The following PNKP variants were observed in gnomAD, a reference collection of about 807,000 sequenced individuals.
The protein encoded by PNKP is polynucleotide kinase 3'-phosphatase, also known as bifunctional polynucleotide phosphatase/kinase.
Under a neutral mutation model 66.2 loss-of-function variants are expected in PNKP, and 82 were observed. The observed-to-expected ratio is 1.24, with a 90% confidence interval of 1.04 to 1.49. The LOEUF (loss-of-function observed/expected upper bound fraction) is 1.49. Ranked by LOEUF, PNKP falls within the 40% of genes most tolerant of loss-of-function variation. The pLI, the probability that PNKP is intolerant of heterozygous loss-of-function variation, is 0.00. For missense variants in PNKP, 907 were observed against 706.8 expected (o/e 1.28, Z -3.21); for synonymous variants, 412 against 298.9 (o/e 1.38, Z -3.90).
At chr19:49,862,890 C>G (rs2074789161) in intron 8 of PNKP, 152 bp from the exon 9 acceptor site, 2 of 811,706 alleles carry the variant, frequency 2.5e-6, no homozygotes, top group Admixed American at 4.0e-5. Flanking sequence ...TTGCACCGTG[C>G]TCCTGGCCCC....
Position 49,866,390 on chromosome 19 carries a change from C to A in PNKP, c.198+9G>T. On this transcript the variant is annotated intron_variant, in intron 3 of 16. Transcript: ENST00000322344. ...CAGGCCTTGCTGGCCCTTGCAGAGG[C>A]ACTGATACCTGTTTCACTGCCACTG... 1 of 1,613,264 alleles carries A rather than the reference C, an allele frequency of 6.2e-7. No individual in the cohort carries two copies. Among genetic ancestry groups the A allele is most frequent in the Non-Finnish European group, 8.5e-7 (1 of 1,179,182 alleles).
In PNKP at chr19:49,866,456, G is replaced by A. The variant is rs754781999; in HGVS notation, c.152-11C>T. ...CTGCGACCAGCTCCACTGAGGATTGGAGGGGTGGAGTCAGGATTTGCATCC... is the reference window on the plus strand; with the variant it reads ...CTGCGACCAGCTCCACTGAGGATTGAAGGGGTGGAGTCAGGATTTGCATCC... On this transcript the variant is annotated splice_polypyrimidine_tract_variant and intron_variant, in intron 2 of 16. Transcript: ENST00000322344. 3.7e-6 allele frequency: 6 copies of A among 1,613,914 alleles called. No homozygotes were observed. In the African/African-American group the frequency reaches 4.0e-5, roughly 11 times the overall value.
At chr19:49,862,959 T>G in intron 8 of PNKP, 1 of 637,236 alleles carries the variant, frequency 1.6e-6, no homozygotes, top group East Asian at 2.8e-5. Context: ...CGACTTCACC[T>G]CCTCCCGTTC....
intron 6 of PNKP, 47 bp downstream of exon 6, chr19:49,864,132 C>T (rs1330535658): frequency 4.3e-6 from 7 of 1,612,020 alleles, no homozygotes; most frequent in Non-Finnish European, 5.9e-6. Context: ...TGACTGCGGT[C>T]GGACCGCCAC....
rs751483948 is a variant in PNKP at position 49,862,086 on chromosome 19, G to C, written c.1146C>G (p.Leu382=). Residue 382 remains leucine, a synonymous_variant, in exon 13 of 17, where the codon CTC becomes CTG. Coordinates refer to ENST00000322344, the MANE Select transcript of PNKP (RefSeq NM_007254.4). ...GFPGAGKSTF[L]KKHLVSAGYV... is the part of the protein sequence containing the mutation. The stretch of plus-strand genomic sequence containing the variant: ...ATCCGGCCGACACGAGGTGCTTCTT[G>C]AGAAAGGTGGACTTCCCGGCTGTGT... 1 of 1,614,190 alleles carries C rather than the reference G, an allele frequency of 6.2e-7. No individual in the cohort carries two copies. The highest frequency in any genetic ancestry group is 1.7e-5 in the Admixed American group (1 of 60,030).
chr19:49,864,137 C>G (rs368556374), intron 6 of PNKP, 42 bp downstream of exon 6: 1 of 1,612,096 alleles, frequency 6.2e-7, no homozygotes. Flanking sequence ...GCGGTCGGAC[C>G]GCCACGTGCA....
chr19:49,864,240 C>A lies in PNKP; in HGVS notation c.579-4G>T. 1 of 1,614,166 alleles carries A rather than the reference C, an allele frequency of 6.2e-7. No individual in the cohort carries two copies. Among genetic ancestry groups the A allele is most frequent in the Non-Finnish European group, 8.5e-7 (1 of 1,180,006 alleles). The stretch of plus-strand genomic sequence containing the variant: ...GGGAATCTCTGGGTACAAGATCCTA[C>A]GGCAGGTATGAAGCGGCAGGGGTGA... On this transcript the variant is annotated splice_polypyrimidine_tract_variant and splice_region_variant and intron_variant, in intron 5 of 16. Coordinates refer to ENST00000322344, the MANE Select transcript of PNKP (RefSeq NM_007254.4).
In PNKP at chr19:49,861,753, G is replaced by A. The variant is rs541129252; in HGVS notation, c.1298+19C>T. ...GCCCACCCCGCCGCAGGCCACCTAC[G>A]GCCCCGCGGTCACGCTACCTGGCGC... On this transcript the variant is annotated intron_variant, in intron 14 of 16. Transcript: ENST00000322344. The A allele has an allele frequency of 8.8e-5, 137 of 1,558,942 alleles. No homozygotes were observed. Among genetic ancestry groups the A allele is most frequent in the African/African-American group, 1.5e-4 (11 of 72,674 alleles).
intron 2 of PNKP, chr19:49,866,658 CTA>C (rs1307071469): frequency 1.5e-6 from 1 of 659,444 alleles, no homozygotes. Flanking sequence ...GTACTTTTCT[CTA>C]CAGAATTGGT....
rs759158211 is a variant in PNKP, at chr19:49,861,734, C to T, written c.1298+38G>A. On this transcript the variant is annotated intron_variant, in intron 14 of 16. Transcript: ENST00000322344. Reference sequence around the variant, plus strand: ...AGCTGGATGTGCAGGCCCCGCCCACCCCGCCGCAGGCCACCTACGGCCCCG... The same window carrying T: ...AGCTGGATGTGCAGGCCCCGCCCACTCCGCCGCAGGCCACCTACGGCCCCG... 8 of 1,551,640 alleles carry T rather than the reference C, an allele frequency of 5.2e-6. No homozygotes were observed. In the Admixed American group the frequency reaches 7.8e-5, roughly 15 times the overall value.
chr19:49,864,002 C>T lies in PNKP; in HGVS notation c.706G>A (p.Val236Met). 5 of 1,614,122 alleles carry T rather than the reference C, an allele frequency of 3.1e-6. No homozygotes were observed. In the South Asian group the frequency reaches 5.5e-5, roughly 18 times the overall value. ...KLPAEEFKAK[V>M]EAVVEKLGVP... is the part of the protein sequence containing the mutation. Reference sequence around the variant, plus strand: ...CCCAGCTTCTCCACCACAGCCTCCACCTTGGCCTTGAACTCCTCGGCTGGC... The same window carrying T: ...CCCAGCTTCTCCACCACAGCCTCCATCTTGGCCTTGAACTCCTCGGCTGGC... Residue 236 changes from valine (V) to methionine (M), a missense_variant, in exon 7 of 17, where the codon GTG becomes ATG. Coordinates refer to ENST00000322344, the MANE Select transcript of PNKP (RefSeq NM_007254.4).
intron 2 of PNKP, 26 bp from the exon 3 acceptor site, chr19:49,866,471 G>A: frequency 6.2e-7 from 1 of 1,612,744 alleles, no homozygotes; most frequent in Non-Finnish European, 8.5e-7. Context: ...GTGGAGTCAG[G>A]ATTTGCATCC....
chr19:49,864,486 G>T, intron 4 of PNKP, 83 bp from the exon 5 acceptor site: 1 of 1,027,760 alleles, frequency 9.7e-7, no homozygotes, highest in Non-Finnish European at 1.5e-6. Flanking sequence ...CACCAACCCT[G>T]CCAGGCAGGG....
intron 2 of PNKP, 180 bp downstream of exon 2, chr19:49,866,874 C>G: frequency 1.4e-6 from 1 of 696,718 alleles, no homozygotes; most frequent in Non-Finnish European, 2.6e-6. Context: ...CCCTCTCCCC[C>G]AAAGGATCTA....
At position 49,862,556 on chromosome 19, in the gene PNKP, G is replaced by C; in HGVS notation, c.918C>G (p.Phe306Leu). 6.2e-7 allele frequency: 1 copy of C among 1,612,252 alleles called. No homozygotes were observed. The highest frequency in any genetic ancestry group is 8.5e-7 in the Non-Finnish European group (1 of 1,179,158). Reference sequence around the variant, plus strand: ...GCCTCACCAGGCGATCGGCGCAGGAGAAGTCTTTCTTCTTCCGCCCCGGGG... The same window carrying C: ...GCCTCACCAGGCGATCGGCGCAGGACAAGTCTTTCTTCTTCCGCCCCGGGG... ...NWAPGRKKKD[F>L]SCADRLFALN... The change falls in exon 10 of 17, where the codon TTC becomes TTG. Residue 306 changes from phenylalanine (F) to leucine (L), a missense_variant. Phe to Leu is a conservative substitution (Grantham distance 22). Coordinates refer to ENST00000322344, the MANE Select transcript of PNKP (RefSeq NM_007254.4).
chr19:49,862,774 A>C lies in PNKP; in HGVS notation c.817-36T>G, dbSNP rs758832793. 2.7e-5 allele frequency: 44 copies of C among 1,611,812 alleles called. No individual in the cohort carries two copies. The South Asian group carries it at 3.8e-4, about 14-fold the overall frequency. ...CGGTAGTGAGGAGGCCCTTCCCACAAATGTCCCCCCGCAGCGGTAGCGGGT... is the reference window on the plus strand; with the variant it reads ...CGGTAGTGAGGAGGCCCTTCCCACACATGTCCCCCCGCAGCGGTAGCGGGT... On this transcript the variant is annotated intron_variant, in intron 8 of 16. Coordinates refer to ENST00000322344, the MANE Select transcript of PNKP (RefSeq NM_007254.4).
At chr19:49,866,662 A>G (rs936246539) in intron 2 of PNKP, 1 of 651,776 alleles carries the variant, frequency 1.5e-6, no homozygotes, top group Non-Finnish European at 2.8e-6. Flanking sequence ...TTTTCTCTAC[A>G]GAATTGGTTT....
At chr19:49,863,317 C>CAGGCA (rs2074793601) in intron 8 of PNKP, among the ~76,000 whole-genome samples, 1 of 152,238 alleles carries the variant, frequency 6.6e-6, no homozygotes, top group African/African-American at 2.4e-5. Context: ...CTTTCTCCAG[C>CAGGCA]TCCCTCCCTC....
chr19:49,864,997 AT>A, intron 4 of PNKP, 129 bp downstream of exon 4: 3 of 725,670 alleles, frequency 4.1e-6, no homozygotes, highest in Non-Finnish European at 7.0e-6. Flanking sequence ...GCTTACAACG[AT>A]CCCTGCATTT....
Sources: gnomAD v4.1 joint callset for allele counts (sites outside exome capture counted in the v4.1 genomes callset) on GRCh38, gnomAD v4.1.1 for gene constraint, MANE v1.5 for transcripts, NCBI Gene and HGNC (gene_info 2026-07-23, HGNC 2026-07-21) for gene names.